Variants in EBF2 observed in about 807,000 individuals in gnomAD.
The protein encoded by EBF2 is transcription factor COE2.
Under a neutral mutation model 72.8 loss-of-function variants are expected in EBF2, and 21 were observed. That is an observed-to-expected ratio of 0.29 (90% CI 0.20 to 0.42). EBF2 has a LOEUF of 0.42. Among genes scored for constraint, EBF2 ranks in the 10% least tolerant of loss-of-function variants. EBF2 has a pLI of 1.00. For synonymous variants in EBF2, 299 were observed against 274.2 expected, an observed-to-expected ratio of 1.09 and a Z score of -0.89; for missense variants, 637 against 731.2, an observed-to-expected ratio of 0.87 and a Z score of 1.49.
chr8:25,950,406 G>T (rs1213588019), intron 6 of EBF2, among the ~76,000 whole-genome samples: 3 of 152,234 alleles, frequency 2.0e-5, no homozygotes, highest in African/African-American at 7.2e-5. Flanking sequence ...CACAAGTGAA[G>T]TATTTGCTTA....
At chr8:26,042,303 G>A (rs372448761) in intron 1 of EBF2, 52 bp from the exon 2 acceptor site, 1 of 1,567,742 alleles carries the variant, frequency 6.4e-7, no homozygotes, top group South Asian at 1.2e-5. Flanking sequence ...GCACAAAAAG[G>A]CGATGTTACT....
chr8:25,939,665 T>A (rs1803637017), intron 6 of EBF2, among the ~76,000 whole-genome samples: 1 of 152,204 alleles, frequency 6.6e-6, no homozygotes. Flanking sequence ...AGCTCCAAGT[T>A]CCCATCATAC....
At chr8:25,850,552 C>G (rs1056108087) in intron 15 of EBF2, 42 bp downstream of exon 15, 2 of 1,493,946 alleles carry the variant, frequency 1.3e-6, no homozygotes, top group African/African-American at 2.9e-5. Flanking sequence ...TTTGCCAACC[C>G]TATGGTACAT....
At chr8:25,980,445 A>G (rs1035038440) in intron 6 of EBF2, among the ~76,000 whole-genome samples, 11 of 152,182 alleles carry the variant, frequency 7.2e-5, no homozygotes, top group African/African-American at 2.4e-4. Context: ...AGGAAAGAAA[A>G]GAAAAAAGAA....
At chr8:25,896,574 A>C (rs1016192358) in intron 7 of EBF2, among the ~76,000 whole-genome samples, 1 of 152,202 alleles carries the variant, frequency 6.6e-6, no homozygotes, top group Non-Finnish European at 1.5e-5. Context: ...TTCGGTTGCC[A>C]TATATGTTAT....
chr8:25,863,081 T>C (rs1388080220), intron 10 of EBF2, among the ~76,000 whole-genome samples: 1 of 152,106 alleles, frequency 6.6e-6, no homozygotes, highest in Non-Finnish European at 1.5e-5. Context: ...AGCAACCATA[T>C]CTCAATTTCT....
intron 6 of EBF2, among the ~76,000 whole-genome samples, chr8:25,947,154 T>G (rs1803784085): frequency 6.6e-6 from 1 of 152,178 alleles, no homozygotes; most frequent in Non-Finnish European, 1.5e-5. Flanking sequence ...AATTGTAGCT[T>G]CCATAATCCT....
chr8:25,971,877 C>T (rs1197236002), intron 6 of EBF2, among the ~76,000 whole-genome samples: 1 of 152,182 alleles, frequency 6.6e-6, no homozygotes, highest in Non-Finnish European at 1.5e-5. Flanking sequence ...GGAGTCTGCT[C>T]TACAGCTCGA....
intron 15 of EBF2, among the ~76,000 whole-genome samples, chr8:25,848,450 A>G (rs980706969): frequency 1.3e-5 from 2 of 152,120 alleles, no homozygotes; most frequent in African/African-American, 4.8e-5. Flanking sequence ...AAGACCAAGC[A>G]AGGTTTCCTT....
intron 6 of EBF2, among the ~76,000 whole-genome samples, chr8:25,912,709 G>A (rs17809092): frequency 0.13 from 19,458 of 152,086 alleles, 1,565 homozygotes; most frequent in East Asian, 0.2. Flanking sequence ...AGGCACAGTG[G>A]CAAGCAAAGT....
At chr8:25,929,830 TGGTGGAAATGG>T (rs1403501479) in intron 6 of EBF2, among the ~76,000 whole-genome samples, 1 of 151,422 alleles carries the variant, frequency 6.6e-6, no homozygotes, top group Non-Finnish European at 1.5e-5. Context: ...AGTGGGAAAA[TGGTGGAAATGG>T]GGTAGAAAGG....
chr8:25,938,665 G>C (rs1192285445), intron 6 of EBF2, among the ~76,000 whole-genome samples: 1 of 151,960 alleles, frequency 6.6e-6, no homozygotes, highest in Admixed American at 6.6e-5. Context: ...CCGTCTTCCG[G>C]GCAGTAAGAA....
At chr8:25,910,127 G>GT (rs1222147195) in intron 6 of EBF2, among the ~76,000 whole-genome samples, 2 of 152,194 alleles carry the variant, frequency 1.3e-5, no homozygotes, top group Non-Finnish European at 2.9e-5. Context: ...CTGAACGGCA[G>GT]TAGCATCTCT....
intron 6 of EBF2, among the ~76,000 whole-genome samples, chr8:25,937,134 C>T (rs1803592930): frequency 6.6e-6 from 1 of 152,172 alleles, no homozygotes; most frequent in African/African-American, 2.4e-5. Context: ...TATAAGAATC[C>T]ACCTTTGGGA....
chr8:25,995,362 T>A (rs745623753), intron 6 of EBF2, among the ~76,000 whole-genome samples: 2 of 151,930 alleles, frequency 1.3e-5, no homozygotes, highest in Admixed American at 6.6e-5. Context: ...TGTTAAAAGA[T>A]TTAAAGCAAA....
chr8:25,955,002 C>A (rs1156671524), intron 6 of EBF2, among the ~76,000 whole-genome samples: 1 of 152,194 alleles, frequency 6.6e-6, no homozygotes, highest in African/African-American at 2.4e-5. Flanking sequence ...GTTGTGCAGC[C>A]GCTGTAAACA....
intron 6 of EBF2, among the ~76,000 whole-genome samples, chr8:25,937,588 G>C (rs570485245): frequency 8.3e-4 from 126 of 152,188 alleles, no homozygotes; most frequent in Admixed American, 1.4e-3. Context: ...TACTGTACAC[G>C]TTTTTCCTTC....
chr8:25,903,713 A>ACAAG (rs796334718), intron 7 of EBF2, among the ~76,000 whole-genome samples: 9 of 152,070 alleles, frequency 5.9e-5, no homozygotes, highest in African/African-American at 1.7e-4. Flanking sequence ...AAACAAACAA[A>ACAAG]CAAACAAAAA....
intron 6 of EBF2, among the ~76,000 whole-genome samples, chr8:26,008,684 G>A (rs1804923299): frequency 6.6e-6 from 1 of 152,008 alleles, no homozygotes; most frequent in Admixed American, 6.6e-5. Context: ...TATTAAATTA[G>A]CAGCGTTTTA....
Sources: allele counts gnomAD v4.1 joint callset (sites outside exome capture counted in the v4.1 genomes callset), GRCh38; gene constraint gnomAD v4.1.1; transcripts MANE v1.5; gene names NCBI Gene and HGNC (gene_info 2026-07-23, HGNC 2026-07-21).